The following SESN1 variants were observed in gnomAD, a reference collection of about 807,000 sequenced individuals.
SESN1 encodes the protein sestrin-1.
SESN1 carries 30 observed loss-of-function variants against 59.3 expected under a neutral mutation model. That is an observed-to-expected ratio of 0.51 (90% CI 0.38 to 0.69). The LOEUF is 0.69. Among genes scored for constraint, SESN1 ranks in the 30% least tolerant of loss-of-function variants. The pLI is 0.00. For missense variants in SESN1, 566 were observed against 673.0 expected, an observed-to-expected ratio of 0.84 and a Z score of 1.76; for synonymous variants, 197 against 219.9, an observed-to-expected ratio of 0.90 and a Z score of 0.92.
intron 1 of SESN1, among the ~76,000 whole-genome samples, chr6:109,080,637 G>C (rs939747648): frequency 2.0e-5 from 3 of 152,096 alleles, no homozygotes; most frequent in Non-Finnish European, 4.4e-5. Context: ...AAAACAATTT[G>C]GGAAAGAAAG....
intron 1 of SESN1, 130 bp from the exon 2 acceptor site, chr6:109,002,473 G>GT: frequency 1.5e-6 from 1 of 664,532 alleles, no homozygotes; most frequent in Non-Finnish European, 2.7e-6. Flanking sequence ...TTTCATGGCT[G>GT]TATATACATA....
rs769715567 is a variant in SESN1 at position 108,985,240 on chromosome 6, T to G, written c.*2304A>C. On this transcript the variant is annotated 3_prime_UTR_variant, in exon 10 of 10. Coordinates refer to ENST00000436639, the MANE Select transcript of SESN1 (RefSeq NM_014454.3). Reference sequence around the variant, plus strand: ...TCAAAATCAATCTCATTCTTAGAGATGATAAAGTTTGGCCTAATAAAAAAT... The same window carrying G: ...TCAAAATCAATCTCATTCTTAGAGAGGATAAAGTTTGGCCTAATAAAAAAT... 3.3e-5 allele frequency among the ~76,000 whole-genome samples: 5 copies of G among 152,162 alleles called. No homozygotes were observed. Among genetic ancestry groups the G allele is most frequent in the Non-Finnish European group, 5.9e-5 (4 of 68,018 alleles).
At chr6:109,020,041 C>A (rs1378729721) in intron 1 of SESN1, among the ~76,000 whole-genome samples, 1 of 152,160 alleles carries the variant, frequency 6.6e-6, no homozygotes, top group Non-Finnish European at 1.5e-5. Context: ...CAGCAGGATG[C>A]AGTTCAAATA....
chr6:109,008,955 G>A (rs1188143738), intron 1 of SESN1: 2 of 995,824 alleles, frequency 2.0e-6, no homozygotes, highest in Admixed American at 6.0e-5. Context: ...CACAAGACAA[G>A]ACAATCGAGG....
intron 4 of SESN1, chr6:109,000,213 G>A (rs1200949620): frequency 8.4e-6 from 2 of 238,600 alleles, no homozygotes; most frequent in East Asian, 8.1e-5. Context: ...ATATGATATT[G>A]TAATGGATGC....
intron 1 of SESN1, among the ~76,000 whole-genome samples, chr6:109,013,925 T>C (rs1184847451): frequency 6.6e-6 from 1 of 152,204 alleles, no homozygotes; most frequent in Non-Finnish European, 1.5e-5. Flanking sequence ...AAGCACTTTT[T>C]CCCTTTTCAA....
intron 1 of SESN1, among the ~76,000 whole-genome samples, chr6:109,035,302 C>T (rs755491092): frequency 2.0e-5 from 3 of 152,120 alleles, no homozygotes. Flanking sequence ...AAACAGACCC[C>T]TAACTTCAGA....
In SESN1 at chr6:108,986,490, C is replaced by G. The variant is rs1047676289; in HGVS notation, c.*1054G>C. 6 of 152,640 alleles carry G rather than the reference C, an allele frequency of 3.9e-5. No individual in the cohort carries two copies. Among genetic ancestry groups the G allele is most frequent in the African/African-American group, 1.4e-4 (6 of 41,446 alleles). 9.5% of individuals were successfully genotyped at this position (152,640 alleles called of 1,614,324 possible). ...TAAAAATACCAGTAATACTGACAGA[C>G]TTCAAAAGCAATTCACGCTTCCAGA... On this transcript the variant is annotated 3_prime_UTR_variant, in exon 10 of 10. Coordinates refer to ENST00000436639, the MANE Select transcript of SESN1 (RefSeq NM_014454.3).
intron 1 of SESN1, among the ~76,000 whole-genome samples, chr6:109,064,466 G>A (rs958221725): frequency 6.7e-6 from 1 of 150,108 alleles, no homozygotes; most frequent in African/African-American, 2.5e-5. Context: ...AGGACAGTAT[G>A]TGCTTTAGAA....
At chr6:109,045,654 A>T (rs926057598) in intron 1 of SESN1, among the ~76,000 whole-genome samples, 1 of 152,004 alleles carries the variant, frequency 6.6e-6, no homozygotes, top group African/African-American at 2.4e-5. Context: ...CTGAGGCATT[A>T]CTCTTCTACA....
At chr6:109,001,901 T>C (rs999855693) in intron 2 of SESN1, among the ~76,000 whole-genome samples, 2 of 152,220 alleles carry the variant, frequency 1.3e-5, no homozygotes, top group Non-Finnish European at 2.9e-5. Context: ...ATAGATGCTT[T>C]TATACATATA....
At chr6:109,013,410 A>G (rs1779889444) in intron 1 of SESN1, among the ~76,000 whole-genome samples, 1 of 152,150 alleles carries the variant, frequency 6.6e-6, no homozygotes, top group Non-Finnish European at 1.5e-5. Flanking sequence ...TCCTTGAGGG[A>G]GGCAATCATG....
chr6:108,997,704 T>C (rs1378370734), intron 5 of SESN1, among the ~76,000 whole-genome samples: 1 of 152,202 alleles, frequency 6.6e-6, no homozygotes, highest in Non-Finnish European at 1.5e-5. Context: ...ATTCAACCTG[T>C]CAAATCTATT....
At chr6:109,009,057 G>C in intron 1 of SESN1, 1 of 943,790 alleles carries the variant, frequency 1.1e-6, no homozygotes, top group Non-Finnish European at 1.3e-6. Context: ...TGTTATTTAC[G>C]TATTGGAGAC....
At chr6:109,076,963 TACAC>T (rs1048336914) in intron 1 of SESN1, among the ~76,000 whole-genome samples, 2 of 152,230 alleles carry the variant, frequency 1.3e-5, no homozygotes, top group Non-Finnish European at 2.9e-5. Flanking sequence ...TAAACTCTAC[TACAC>T]ACCTAGGCTT....
chr6:109,093,485 C>T (rs1781377146), intron 1 of SESN1, among the ~76,000 whole-genome samples: 1 of 151,854 alleles, frequency 6.6e-6, no homozygotes, highest in Non-Finnish European at 1.5e-5. Flanking sequence ...CCTTTACACT[C>T]AGAACACTGT....
intron 1 of SESN1, among the ~76,000 whole-genome samples, chr6:109,090,855 G>A (rs555689705): frequency 1.3e-4 from 20 of 152,250 alleles, no homozygotes; most frequent in African/African-American, 4.6e-4. Context: ...CTGCAACCTC[G>A]AACTCTTGGG....
At chr6:109,012,423 CA>C (rs1779874301) in intron 1 of SESN1, among the ~76,000 whole-genome samples, 2 of 152,154 alleles carry the variant, frequency 1.3e-5, no homozygotes, top group African/African-American at 2.4e-5. Flanking sequence ...AAGTGAGGTT[CA>C]TTGCCTCTAC....
At chr6:108,992,699 T>C (rs185790376) in intron 7 of SESN1, 88 bp downstream of exon 7, 14 of 816,256 alleles carry the variant, frequency 1.7e-5, no homozygotes, top group African/African-American at 1.2e-4. Context: ...GCACTTAGCA[T>C]AGTTCTCAAA....
Sources: gnomAD v4.1 joint callset for allele counts (sites outside exome capture counted in the v4.1 genomes callset) on GRCh38, gnomAD v4.1.1 for gene constraint, MANE v1.5 for transcripts, NCBI Gene and HGNC (gene_info 2026-07-23, HGNC 2026-07-21) for gene names.